The following SHANK2 variants were observed in gnomAD, a reference collection of about 807,000 sequenced individuals.
SHANK2 encodes SH3 and multiple ankyrin repeat domains protein 2.
In SHANK2, 43 loss-of-function variants were observed where a neutral mutation model predicts 133.7. The observed-to-expected ratio is 0.32, with a 90% CI of 0.25 to 0.41. The LOEUF (loss-of-function observed/expected upper bound fraction) is 0.41. SHANK2 is among the 10% of genes least tolerant of loss of function. The probability of loss-of-function intolerance (pLI) is 1.00; values close to 1 mark genes in which losing one functional copy is unlikely to be tolerated. For synonymous variants in SHANK2, 1,017 were observed against 952.8 expected, an observed-to-expected ratio of 1.07 and a Z score of -1.24; for missense variants, 1,994 against 2,235.8, an observed-to-expected ratio of 0.89 and a Z score of 2.18.
intron 10 of SHANK2, among the ~76,000 whole-genome samples, chr11:70,919,811 G>C (rs1555080454): frequency 6.6e-6 from 1 of 152,190 alleles, no homozygotes; most frequent in African/African-American, 2.4e-5. Context: ...AGTTCAACTT[G>C]TTAAGATTCT....
Position 70,502,280 on chromosome 11 carries a change from G to C in SHANK2, c.2204C>G (p.Pro735Arg). The C allele has an allele frequency of 6.4e-7, 1 of 1,554,972 alleles. No individual in the cohort carries two copies. The highest frequency in any genetic ancestry group is 8.7e-7 in the Non-Finnish European group (1 of 1,148,378). ...PDDTARKKAP[P>R]PPKRAPTTAL... Reference sequence around the variant, plus strand: ...TGTGGTCGGTGCCCGCTTTGGAGGCGGGGGAGCTGGAGGGCAGAGGAGAGA... The same window carrying C: ...TGTGGTCGGTGCCCGCTTTGGAGGCCGGGGAGCTGGAGGGCAGAGGAGAGA... The change falls in exon 19 of 26, where the codon CCG becomes CGG. Residue 735 changes from proline (P) to arginine (R), a missense_variant. Physicochemically the swap from Pro to Arg is moderately radical, Grantham distance 103. Transcript: ENST00000601538.
chr11:70,554,652 C>T (rs1308683838), intron 17 of SHANK2, among the ~76,000 whole-genome samples: 1 of 151,908 alleles, frequency 6.6e-6, no homozygotes, highest in African/African-American at 2.4e-5. Flanking sequence ...TTAACTAAAT[C>T]CACAGTCATC....
intron 15 of SHANK2, among the ~76,000 whole-genome samples, chr11:70,677,072 A>T (rs186387276): frequency 1.3e-5 from 2 of 152,326 alleles, no homozygotes; most frequent in Admixed American, 1.3e-4. Context: ...CAAGGCTGAG[A>T]AATCTCTAAA....
intron 4 of SHANK2, among the ~76,000 whole-genome samples, chr11:71,116,616 G>A (rs1411107676): frequency 1.3e-5 from 2 of 152,232 alleles, no homozygotes; most frequent in South Asian, 2.1e-4. Flanking sequence ...GGTCACAGCC[G>A]CCCTGTTACT....
At chr11:71,248,972 C>A (rs1350422099) in intron 1 of SHANK2, among the ~76,000 whole-genome samples, 5 of 152,188 alleles carry the variant, frequency 3.3e-5, no homozygotes, top group African/African-American at 4.8e-5. Context: ...CCAGTCCAGG[C>A]TTGGATGTGG....
intron 3 of SHANK2, among the ~76,000 whole-genome samples, chr11:71,144,533 G>C (rs1952610676): frequency 6.6e-6 from 1 of 152,156 alleles, no homozygotes; most frequent in South Asian, 2.1e-4. Flanking sequence ...TGCCAACCCA[G>C]GTGGACTGAG....
At chr11:70,929,448 C>T (rs996069031) in intron 10 of SHANK2, among the ~76,000 whole-genome samples, 1 of 152,188 alleles carries the variant, frequency 6.6e-6, no homozygotes, top group Non-Finnish European at 1.5e-5. Flanking sequence ...TAAAGGTGTG[C>T]TGTCAGCAGG....
chr11:70,910,913 T>TAC (rs1565400624), intron 10 of SHANK2: 1 of 449,430 alleles, frequency 2.2e-6, no homozygotes, highest in East Asian at 7.0e-5. Flanking sequence ...TGTGTGTGTG[T>TAC]GCGCGTGCAT....
intron 12 of SHANK2, among the ~76,000 whole-genome samples, chr11:70,816,758 G>C (rs556346468): frequency 6.6e-6 from 1 of 152,212 alleles, no homozygotes; most frequent in Non-Finnish European, 1.5e-5. Flanking sequence ...AGGGCTGGCC[G>C]AATGAGCGTT....
At chr11:70,710,370 C>T (rs868945017) in intron 14 of SHANK2, among the ~76,000 whole-genome samples, 32 of 152,314 alleles carry the variant, frequency 2.1e-4, no homozygotes, top group Admixed American at 1.6e-3. Flanking sequence ...TCCCACTGCC[C>T]CCTCTCGGCT....
At chr11:70,505,252 A>G (rs782583123) in intron 17 of SHANK2, among the ~76,000 whole-genome samples, 3 of 152,078 alleles carry the variant, frequency 2.0e-5, no homozygotes, top group Non-Finnish European at 2.9e-5. Context: ...AGGGCCTTGG[A>G]TGCCAGGGTG....
intron 2 of SHANK2, 77 bp downstream of exon 2, chr11:71,224,620 G>T (rs1235456863): frequency 6.6e-6 from 1 of 152,432 alleles, no homozygotes; most frequent in Non-Finnish European, 1.5e-5. Context: ...CAGTGCAAAG[G>T]TGGGGAGGTG....
chr11:71,144,628 C>T (rs1425938479), intron 3 of SHANK2, among the ~76,000 whole-genome samples: 1 of 152,030 alleles, frequency 6.6e-6, no homozygotes, highest in Non-Finnish European at 1.5e-5. Context: ...TAGTTTACCC[C>T]TAAATGATAT....
At chr11:70,930,659 C>CTTTTTTTTTTTTT (rs367913415) in intron 10 of SHANK2, among the ~76,000 whole-genome samples, 1 of 114,194 alleles carries the variant, frequency 8.8e-6, no homozygotes, top group Non-Finnish European at 1.8e-5. Context: ...ATTTCTTTGT[C>CTTTTTTTTTTTTT]TTTTTTTTTT....
At chr11:70,784,355 T>TG (rs1472758624) in intron 14 of SHANK2, among the ~76,000 whole-genome samples, 1 of 127,020 alleles carries the variant, frequency 7.9e-6, no homozygotes, top group Non-Finnish European at 1.6e-5. Flanking sequence ...TTTTTTTTTT[T>TG]TTTTTTTTTT....
chr11:71,219,017 A>G (rs1233087865), intron 2 of SHANK2, among the ~76,000 whole-genome samples: 1 of 152,188 alleles, frequency 6.6e-6, no homozygotes, highest in Non-Finnish European at 1.5e-5. Context: ...AATGTAACGG[A>G]GCTTACCCAA....
In SHANK2 at chr11:71,183,141, C is replaced by T. The variant is rs56214119; in HGVS notation, c.-12-35803G>A. Among the ~76,000 whole-genome samples the T allele has an allele frequency of 3.2e-3, 492 of 152,270 alleles. 1 individual carries two copies. Among genetic ancestry groups the T allele is most frequent in the Non-Finnish European group, 5.7e-3 (385 of 68,028 alleles). On this transcript the variant is annotated intron_variant, in intron 2 of 25. Coordinates refer to ENST00000601538, the MANE Select transcript of SHANK2 (RefSeq NM_012309.5). ...GGATGGGATACTCCCACAGACAAGG[C>T]TTTCTGGAAGGCGAAATAAAGAGGC...
chr11:70,486,165 G>C lies in SHANK2; in HGVS notation c.4128C>G (p.Val1376=), dbSNP rs149440968. 9.0e-5 allele frequency: 145 copies of C among 1,613,722 alleles called. No individual in the cohort carries two copies. The highest frequency in any genetic ancestry group is 1.1e-4 in the Non-Finnish European group (125 of 1,179,870). ...EPTTVPGRTI[V]AVGSMEEAVI... Reference sequence around the variant, plus strand: ...CCGCCTCTTCCATGGAGCCCACCGCGACGATGGTTCTGCCGGGCACGGTGG... The same window carrying C: ...CCGCCTCTTCCATGGAGCCCACCGCCACGATGGTTCTGCCGGGCACGGTGG... The change falls in exon 25 of 26, where the codon GTC becomes GTG. Residue 1376 remains valine, a synonymous_variant. Coordinates refer to ENST00000601538, the MANE Select transcript of SHANK2 (RefSeq NM_012309.5). This position sits in a 1 kb window ranked among gnomAD's most constrained non-coding sequence, Gnocchi z 8.0.
intron 11 of SHANK2, among the ~76,000 whole-genome samples, chr11:70,849,005 G>A (rs933698843): frequency 1.3e-5 from 2 of 152,164 alleles, no homozygotes; most frequent in Non-Finnish European, 2.9e-5. Context: ...AGTCAGAGAA[G>A]GATGTGAGTG....
Sources: allele counts gnomAD v4.1 joint callset (sites outside exome capture counted in the v4.1 genomes callset), GRCh38; gene constraint gnomAD v4.1.1; non-coding constraint Gnocchi (gnomAD v3.1); transcripts MANE v1.5; gene names NCBI Gene and HGNC (gene_info 2026-07-23, HGNC 2026-07-21).